PTPN12: variants seen among roughly 807,000 people sequenced by gnomAD.
PTPN12 encodes tyrosine-protein phosphatase non-receptor type 12.
PTPN12 carries 29 observed loss-of-function variants against 97.6 expected under a neutral mutation model. That is an observed-to-expected ratio of 0.30 (90% CI 0.22 to 0.41). The LOEUF is 0.41. Ranked by LOEUF, PTPN12 falls within the 10% of genes least tolerant of loss-of-function variation. The pLI is 1.00. For missense variants in PTPN12, 819 were observed against 926.0 expected, an observed-to-expected ratio of 0.88 and a Z score of 1.50; for synonymous variants, 327 against 300.4, an observed-to-expected ratio of 1.09 and a Z score of -0.91.
intron 1 of PTPN12, among the ~76,000 whole-genome samples, chr7:77,544,547 A>G (rs553044975): frequency 7.9e-5 from 12 of 152,324 alleles, no homozygotes; most frequent in African/African-American, 2.6e-4. Flanking sequence ...TTTTCCATCA[A>G]TATTTGATAT....
rs1228005965 is a variant in PTPN12 at position 77,587,384 on chromosome 7, A to T, written c.420+1803A>T. 4.3e-5 allele frequency among the ~76,000 whole-genome samples: 6 copies of T among 139,706 alleles called. No homozygotes were observed. In the East Asian group the frequency reaches 1.2e-3, roughly 28 times the overall value. 91.7% of individuals were successfully genotyped at this position (139,706 alleles called of 152,430 possible). On this transcript the variant is annotated intron_variant, in intron 5 of 17. Transcript: ENST00000248594. ...TTGTAAACGGAAATATTTTGAAAGG[A>T]ATTTTTTTTTCCAACCAGTAGTCCC...
intron 1 of PTPN12, among the ~76,000 whole-genome samples, chr7:77,549,398 C>T (rs549485722): frequency 6.6e-6 from 1 of 152,282 alleles, no homozygotes; most frequent in East Asian, 1.9e-4. Context: ...CATTATTTCA[C>T]ATTTACAGTT....
At chr7:77,612,757 T>C (rs2868785) in intron 11 of PTPN12, among the ~76,000 whole-genome samples, 34,821 of 151,108 alleles carry the variant, frequency 0.23, 5,063 homozygotes, top group East Asian at 0.7. Context: ...TTTTTGTTTG[T>C]TTTGTTTGAT....
intron 1 of PTPN12, among the ~76,000 whole-genome samples, chr7:77,541,891 A>T (rs1196904942): frequency 6.6e-6 from 1 of 152,214 alleles, no homozygotes; most frequent in Non-Finnish European, 1.5e-5. Context: ...AAATTAGCAA[A>T]TAGCTAATTT....
intron 12 of PTPN12, among the ~76,000 whole-genome samples, chr7:77,624,196 G>A (rs910442046): frequency 5.9e-5 from 9 of 151,992 alleles, no homozygotes; most frequent in African/African-American, 2.2e-4. Flanking sequence ...GAGCCCTGAA[G>A]GCAGAGGTTG....
intron 1 of PTPN12, among the ~76,000 whole-genome samples, chr7:77,548,269 T>A (rs1807315804): frequency 6.6e-6 from 1 of 152,190 alleles, no homozygotes; most frequent in East Asian, 1.9e-4. Context: ...GGTGGGTCTC[T>A]TGCTTAGTTT....
chr7:77,603,130 C>T (rs1788241833), intron 8 of PTPN12, among the ~76,000 whole-genome samples: 1 of 152,060 alleles, frequency 6.6e-6, no homozygotes, highest in South Asian at 2.1e-4. Flanking sequence ...GTGGTTAATT[C>T]AGTGGTTAGT....
chr7:77,609,894 CA>C (rs767927688), intron 9 of PTPN12, among the ~76,000 whole-genome samples: 1 of 143,910 alleles, frequency 6.9e-6, no homozygotes. Context: ...AAAAAAACAA[CA>C]AAAAAAAAAC....
chr7:77,607,072 T>C, intron 8 of PTPN12, 163 bp from the exon 9 acceptor site: 1 of 539,610 alleles, frequency 1.9e-6, no homozygotes, highest in Non-Finnish European at 3.3e-6. Flanking sequence ...TAACAGATGT[T>C]GCCATGAACA....
At chr7:77,631,925 T>C (rs556463404) in intron 13 of PTPN12, among the ~76,000 whole-genome samples, 1 of 152,230 alleles carries the variant, frequency 6.6e-6, no homozygotes, top group South Asian at 2.1e-4. Flanking sequence ...TTACATAGTA[T>C]GGCAAAAATC....
At chr7:77,544,804 G>A (rs1468682) in intron 1 of PTPN12, among the ~76,000 whole-genome samples, 58,677 of 152,084 alleles carry the variant, frequency 0.39, 12,858 homozygotes, top group East Asian at 0.74. Context: ...AGGCACTAAT[G>A]TCCATTGCAT....
intron 1 of PTPN12, among the ~76,000 whole-genome samples, chr7:77,550,696 G>C (rs1807440514): frequency 6.6e-6 from 1 of 152,232 alleles, no homozygotes; most frequent in African/African-American, 2.4e-5. Context: ...AGAGGAATGA[G>C]CAAGAGGCAT....
At chr7:77,565,040 G>A (rs574045041) in intron 1 of PTPN12, among the ~76,000 whole-genome samples, 1 of 152,214 alleles carries the variant, frequency 6.6e-6, no homozygotes, top group Non-Finnish European at 1.5e-5. Context: ...AGAGGCATGA[G>A]CCACCGCACC....
At chr7:77,553,742 T>A (rs1230248257) in intron 1 of PTPN12, among the ~76,000 whole-genome samples, 2 of 152,228 alleles carry the variant, frequency 1.3e-5, no homozygotes, top group Non-Finnish European at 2.9e-5. Context: ...TCTGACAATC[T>A]TTTAATTGGT....
chr7:77,556,785 G>A (rs989341352), intron 1 of PTPN12, among the ~76,000 whole-genome samples: 3 of 151,828 alleles, frequency 2.0e-5, no homozygotes, highest in East Asian at 1.9e-4. Flanking sequence ...ATCCGAGACC[G>A]CACCACTGCA....
chr7:77,596,195 A>G lies in PTPN12; in HGVS notation c.493-1647A>G, dbSNP rs369563135. 4.6e-5 allele frequency among the ~76,000 whole-genome samples: 7 copies of G among 152,204 alleles called. No homozygotes were observed. The East Asian group carries it at 7.7e-4, about 17-fold the overall frequency. On this transcript the variant is annotated intron_variant, in intron 6 of 17. Transcript: ENST00000248594. ...CGTTTAGACACTTTTTTTTAGGTATAAGTAAAACTTACAAAAGCAAATTGA... is the reference window on the plus strand; with the variant it reads ...CGTTTAGACACTTTTTTTTAGGTATGAGTAAAACTTACAAAAGCAAATTGA...
At chr7:77,583,891 GAT>G in intron 4 of PTPN12, 1 of 336,926 alleles carries the variant, frequency 3.0e-6, no homozygotes, top group South Asian at 3.8e-5. Context: ...AGTAAGTAAT[GAT>G]ACAGCTATCA....
At position 77,575,455 on chromosome 7, in the gene PTPN12, C is replaced by G. The variant is rs879908245; in HGVS notation, c.208+4269C>G. Among the ~76,000 whole-genome samples the G allele has an allele frequency of 2.0e-5, 3 of 152,258 alleles. No individual in the cohort carries two copies. In the South Asian group the frequency reaches 6.2e-4, roughly 32 times the overall value. On this transcript the variant is annotated intron_variant, in intron 2 of 17. Transcript: ENST00000248594. ...ACCAGGAGGTCAAGGCTGCAGTGAA[C>G]TATGATTGCACCACTGCACTCCAGC...
At chr7:77,550,261 A>C (rs957654282) in intron 1 of PTPN12, among the ~76,000 whole-genome samples, 1 of 152,166 alleles carries the variant, frequency 6.6e-6, no homozygotes, top group African/African-American at 2.4e-5. Context: ...TGTAGTTTAG[A>C]AATGTCTGTA....
Sources: gnomAD v4.1 joint callset for allele counts (sites outside exome capture counted in the v4.1 genomes callset) on GRCh38, gnomAD v4.1.1 for gene constraint, MANE v1.5 for transcripts, NCBI Gene and HGNC (gene_info 2026-07-23, HGNC 2026-07-21) for gene names.